The following SEC31A variants were observed in gnomAD, a reference collection of about 807,000 sequenced individuals.
The protein encoded by SEC31A is protein transport protein Sec31A.
In SEC31A, 70 loss-of-function variants were observed where a neutral mutation model predicts 151.0. The observed-to-expected ratio is 0.46, with a 90% confidence interval of 0.38 to 0.57. The LOEUF is 0.57. Ranked by LOEUF, SEC31A falls within the 20% of genes least tolerant of loss-of-function variation. The pLI, the probability that SEC31A is intolerant of heterozygous loss-of-function variation, is 0.00. For synonymous variants in SEC31A, 475 were observed against 505.9 expected (o/e 0.94, Z 0.82); for missense variants, 1,330 against 1,471.2 (o/e 0.90, Z 1.57).
chr4:82,861,069 TAA>T (rs57273848), intron 14 of SEC31A, among the ~76,000 whole-genome samples: 7 of 143,084 alleles, frequency 4.9e-5, no homozygotes, highest in Admixed American at 1.4e-4. Flanking sequence ...CATTAGTGGT[TAA>T]AAAAAAAAAA....
chr4:82,852,781 G>T (rs1731733456), intron 18 of SEC31A, among the ~76,000 whole-genome samples: 1 of 152,142 alleles, frequency 6.6e-6, no homozygotes, highest in African/African-American at 2.4e-5. Flanking sequence ...CTTGTGTATT[G>T]GTGTCACATG....
chr4:82,883,348 C>G (rs1005894747), intron 1 of SEC31A, among the ~76,000 whole-genome samples: 1 of 152,098 alleles, frequency 6.6e-6, no homozygotes, highest in African/African-American at 2.4e-5. Flanking sequence ...TAAAAAGGGA[C>G]AGCTATAAAT....
At chr4:82,846,996 T>A (rs1466097481) in intron 20 of SEC31A, among the ~76,000 whole-genome samples, 7 of 152,238 alleles carry the variant, frequency 4.6e-5, no homozygotes, top group African/African-American at 1.7e-4. Flanking sequence ...ATTACAGGCG[T>A]GAGCCACCGC....
intron 20 of SEC31A, among the ~76,000 whole-genome samples, chr4:82,844,957 A>AC (rs1729738588): frequency 6.6e-6 from 1 of 152,246 alleles, no homozygotes; most frequent in South Asian, 2.1e-4. Context: ...CATTGTCAAA[A>AC]CCTTGGTTGG....
intron 20 of SEC31A, among the ~76,000 whole-genome samples, chr4:82,844,816 A>G (rs1164907827): frequency 6.6e-6 from 1 of 152,218 alleles, no homozygotes; most frequent in Non-Finnish European, 1.5e-5. Context: ...ATTTCCATCC[A>G]CTACTCCACT....
At position 82,857,479 on chromosome 4, in the gene SEC31A, C is replaced by CT. The variant is rs891330352; in HGVS notation, c.1702+209dup. Among the ~76,000 whole-genome samples the CT allele has an allele frequency of 1.8e-4, 27 of 149,886 alleles. No homozygotes were observed. The South Asian group carries it at 4.2e-3, about 24-fold the overall frequency. ...TCACACTCTACCACCTGTGATAAAA[C>CT]TTTTTTTTTTGAGACAGCGTTTCAC... On this transcript the variant is annotated intron_variant, in intron 15 of 26. Coordinates refer to ENST00000395310, the MANE Select transcript of SEC31A (RefSeq NM_001077207.4).
intron 3 of SEC31A, 101 bp downstream of exon 3, chr4:82,880,698 A>T: frequency 1.0e-6 from 1 of 980,388 alleles, no homozygotes; most frequent in Non-Finnish European, 1.5e-6. Flanking sequence ...TCTTGATGGT[A>T]TTCCTTGTAG....
intron 25 of SEC31A, among the ~76,000 whole-genome samples, chr4:82,823,911 T>C (rs1723976556): frequency 6.6e-6 from 1 of 152,212 alleles, no homozygotes; most frequent in African/African-American, 2.4e-5. Context: ...GTTGAGAGCA[T>C]GAATTCTGGA....
At chr4:82,858,741 C>A (rs1733350504) in intron 14 of SEC31A, among the ~76,000 whole-genome samples, 1 of 150,860 alleles carries the variant, frequency 6.6e-6, no homozygotes. Context: ...CTCACTCTGT[C>A]ACCCAGGCTG....
At chr4:82,860,262 G>A (rs74833232) in intron 14 of SEC31A, among the ~76,000 whole-genome samples, 13 of 151,906 alleles carry the variant, frequency 8.6e-5, no homozygotes, top group African/African-American at 3.1e-4. Context: ...TGAGACAAAG[G>A]GGAAGATTTT....
intron 24 of SEC31A, among the ~76,000 whole-genome samples, chr4:82,825,832 T>C (rs560741802): frequency 6.6e-6 from 1 of 152,274 alleles, no homozygotes; most frequent in Non-Finnish European, 1.5e-5. Context: ...GAAGAAAGGA[T>C]TCAAAAAATA....
chr4:82,872,956 C>T (rs958009967), intron 6 of SEC31A, among the ~76,000 whole-genome samples: 3 of 152,146 alleles, frequency 2.0e-5, no homozygotes, highest in Non-Finnish European at 2.9e-5. Flanking sequence ...TCGCCCACCT[C>T]GGCCTCCCAA....
At chr4:82,861,905 CTTT>C (rs33968103) in intron 13 of SEC31A, 197 bp from the exon 14 acceptor site, 158 of 89,636 alleles carry the variant, frequency 1.8e-3, no homozygotes, top group South Asian at 9.8e-3. Context: ...CTTTCCCATT[CTTT>C]TTTTTTTTTT....
chr4:82,890,846 G>A, intron 1 of SEC31A: 1 of 1,330,262 alleles, frequency 7.5e-7, no homozygotes, highest in Non-Finnish European at 9.6e-7. Flanking sequence ...CCAGCCTCGG[G>A]TGGCTTTTGC....
intron 19 of SEC31A, among the ~76,000 whole-genome samples, chr4:82,849,877 A>G (rs1292544210): frequency 1.3e-5 from 2 of 152,188 alleles, no homozygotes; most frequent in Non-Finnish European, 2.9e-5. Flanking sequence ...TGTTTCAGCA[A>G]GATTTTAGTA....
At chr4:82,833,297 T>C (rs1415392259) in intron 22 of SEC31A, among the ~76,000 whole-genome samples, 2 of 151,904 alleles carry the variant, frequency 1.3e-5, no homozygotes, top group African/African-American at 4.8e-5. Flanking sequence ...CAGCAAACTA[T>C]CACAAGATCA....
At chr4:82,867,107 A>T in intron 9 of SEC31A, 48 bp downstream of exon 9, 1 of 1,569,980 alleles carries the variant, frequency 6.4e-7, no homozygotes, top group Non-Finnish European at 8.7e-7. Flanking sequence ...TACACAACAC[A>T]TACTTTTTTC....
At chr4:82,819,331 C>A in intron 26 of SEC31A, 78 bp from the exon 27 acceptor site, 1 of 1,042,732 alleles carries the variant, frequency 9.6e-7, no homozygotes, top group East Asian at 2.8e-5. Flanking sequence ...ACATTAAACC[C>A]AGATATTTAA....
At chr4:82,882,401 C>CAAAAAAAAAAAAA (rs57974382) in intron 1 of SEC31A, among the ~76,000 whole-genome samples, 11 of 92,482 alleles carry the variant, frequency 1.2e-4, no homozygotes, top group African/African-American at 5.2e-4. Context: ...GACTCTATCT[C>CAAAAAAAAAAAAA]AAAAAAAAAA....
Sources: gnomAD v4.1 joint callset for allele counts (sites outside exome capture counted in the v4.1 genomes callset) on GRCh38, gnomAD v4.1.1 for gene constraint, MANE v1.5 for transcripts, NCBI Gene and HGNC (gene_info 2026-07-23, HGNC 2026-07-21) for gene names.